KIF24: variants seen among roughly 807,000 people sequenced by gnomAD.
The protein encoded by KIF24 is kinesin-like protein KIF24.
A neutral mutation model predicts 118.9 loss-of-function variants in KIF24; 81 were observed. That is an observed-to-expected ratio of 0.68 (90% CI 0.57 to 0.82). KIF24 has a LOEUF of 0.82. Ranked by LOEUF, KIF24 falls within the 40% of genes least tolerant of loss-of-function variation. The pLI is 0.00. For missense variants in KIF24, 1,560 were observed against 1,661.6 expected, an observed-to-expected ratio of 0.94 and a Z score of 1.06; for synonymous variants, 599 against 610.0, an observed-to-expected ratio of 0.98 and a Z score of 0.27.
In KIF24 at chr9:34,311,297, T is replaced by C. The variant is rs1232763236; in HGVS notation, c.50A>G (p.Tyr17Cys). The C allele has an allele frequency of 1.2e-6, 2 of 1,605,318 alleles. No individual in the cohort carries two copies. Among genetic ancestry groups the C allele is most frequent in the Admixed American group, 1.7e-5 (1 of 58,756 alleles). ...GCCAAGGGCAGTGAAATGAGAATAA[T>C]ACTGTGCAAGTTCAGCTTCACAAAG... is the stretch of plus-strand genomic sequence containing the variant. ...ECLCEAELAQYYSHFTALGLQ... is the reference protein window; with the variant it reads ...ECLCEAELAQCYSHFTALGLQ... Residue 17 changes from tyrosine (Y) to cysteine (C), a missense_variant, in exon 2 of 13, where the codon TAT (tyrosine) becomes TGT (cysteine). Around this residue, in one of 3 missense-constraint regions of KIF24, gnomAD observed 964 missense variants for 988.0 expected, o/e 0.98. Transcript: ENST00000402558.
chr9:34,259,596 C>T lies in KIF24; in HGVS notation c.1625G>A (p.Arg542Gln), dbSNP rs146808161. 9.3e-6 allele frequency: 15 copies of T among 1,611,054 alleles called. No individual in the cohort carries two copies. In the African/African-American group the frequency reaches 1.7e-4, roughly 19 times the overall value. The stretch of plus-strand genomic sequence containing the variant: ...ACCTGCCATCTGGGAGCTGACTTAC[C>T]GGTCAGCATAGCGCAAGGTGTTGAG... Reference protein sequence around the residue: ...HTLNTLRYADRVKELKKGIKC... With the variant: ...HTLNTLRYADQVKELKKGIKC... Residue 542 changes from arginine to glutamine, a missense_variant and splice_region_variant, in exon 10 of 13, where the codon CGG (arginine) becomes CAG (glutamine). By Grantham distance (43) the Arg-to-Gln change is conservative (BLOSUM62 1). This residue lies in a region of KIF24 where 964 missense variants were observed against 988.0 expected (regional missense o/e 0.98). Transcript: ENST00000402558.
chr9:34,311,767 CATAT>C (rs950137028), intron 1 of KIF24, among the ~76,000 whole-genome samples: 1 of 145,482 alleles, frequency 6.9e-6, no homozygotes, highest in African/African-American at 2.5e-5. Flanking sequence ...TGTATATATA[CATAT>C]ATATACACAT....
chr9:34,301,288 C>T (rs188062978), intron 3 of KIF24, among the ~76,000 whole-genome samples: 51 of 152,250 alleles, frequency 3.3e-4, no homozygotes, highest in Non-Finnish European at 7.4e-5. Context: ...CCCTTTGTCA[C>T]CCAGGCTGGA....
At position 34,318,057 on chromosome 9, in the gene KIF24, G is replaced by A. The variant is rs1837384023; in HGVS notation, c.-25-6686C>T. ...TAGGGGAGCATGGGAGCAAAGGATT[G>A]CTTTAAGAATCCTTTCCTCAACATG... On this transcript the variant is annotated intron_variant, in intron 1 of 12. Transcript: ENST00000402558. This position sits in a 1 kb window ranked among gnomAD's most constrained non-coding sequence, Gnocchi z 4.9. 6.6e-6 allele frequency among the ~76,000 whole-genome samples: 1 copy of A among 152,032 alleles called. No individual in the cohort carries two copies. Among genetic ancestry groups the A allele is most frequent in the South Asian group, 2.1e-4 (1 of 4,814 alleles).
In KIF24 at chr9:34,327,838, T is replaced by A. The variant is rs200669308; in HGVS notation, c.-26+1268A>T. 1.1e-4 allele frequency among the ~76,000 whole-genome samples: 14 copies of A among 123,026 alleles called. No homozygotes were observed. The East Asian group carries it at 1.4e-3, about 12-fold the overall frequency. The allele number at this position is 123,026 out of a possible 152,430, so 80.7% of individuals were successfully genotyped here. On this transcript the variant is annotated intron_variant, in intron 1 of 12. Transcript: ENST00000402558. ...TGACAGAGCAAGACATTTTCTCTAATAAAAAAAAAATAATAATAATAATAA... is the reference window on the plus strand; with the variant it reads ...TGACAGAGCAAGACATTTTCTCTAAAAAAAAAAAAATAATAATAATAATAA...
chr9:34,329,352 T>G (rs189319458), upstream of KIF24, among the ~76,000 whole-genome samples: 645 of 152,350 alleles, frequency 4.2e-3, 2 homozygotes, highest in Non-Finnish European at 6.6e-3. Context: ...CGTTGACTTC[T>G]CCTCTGGAAG....
chr9:34,286,868 G>A (rs1027387623), intron 5 of KIF24, among the ~76,000 whole-genome samples, 164 bp from the exon 6 acceptor site: 1 of 152,172 alleles, frequency 6.6e-6, no homozygotes, highest in Non-Finnish European at 1.5e-5. Flanking sequence ...ACCTCAGCCC[G>A]ATTCAGGGGT....
chr9:34,284,167 CT>C (rs1456545101), intron 6 of KIF24, among the ~76,000 whole-genome samples: 3 of 152,018 alleles, frequency 2.0e-5, no homozygotes, highest in Non-Finnish European at 4.4e-5. Flanking sequence ...ACTTGGGAAG[CT>C]GAGGTAGGAG....
intron 1 of KIF24, among the ~76,000 whole-genome samples, chr9:34,314,410 C>T (rs1837272668): frequency 6.6e-6 from 1 of 152,160 alleles, no homozygotes; most frequent in Non-Finnish European, 1.5e-5. Flanking sequence ...GAGTGATCCA[C>T]CCACCTCAGA....
In KIF24 at chr9:34,311,018, T is replaced by C; in HGVS notation, c.329A>G (p.Asn110Ser). 6.2e-7 allele frequency: 1 copy of C among 1,613,914 alleles called. No individual in the cohort carries two copies. The highest frequency in any genetic ancestry group is 1.7e-5 in the Admixed American group (1 of 60,010). Reference sequence around the variant, plus strand: ...CATTTCAAACCCATCATTGCTGGCATTTCTGTCTTTATTGTCAGCAGGAGA... The same window carrying C: ...CATTTCAAACCCATCATTGCTGGCACTTCTGTCTTTATTGTCAGCAGGAGA... ...FDSPADNKDR[N>S]ASNDGFEMCS... The change falls in exon 2 of 13, where the codon AAT (asparagine) becomes AGT (serine). Residue 110 changes from asparagine to serine, a missense_variant. Transcript: ENST00000402558.
At chr9:34,327,952 A>G (rs1273556681) in intron 1 of KIF24, among the ~76,000 whole-genome samples, 1 of 152,054 alleles carries the variant, frequency 6.6e-6, no homozygotes, top group Non-Finnish European at 1.5e-5. Context: ...GGTTTCCACT[A>G]CATGTCACAG....
At chr9:34,326,099 G>C (rs895721953) in intron 1 of KIF24, among the ~76,000 whole-genome samples, 1 of 152,228 alleles carries the variant, frequency 6.6e-6, no homozygotes, top group Non-Finnish European at 1.5e-5. Flanking sequence ...GCTCATGCCT[G>C]TTATCCCAAC....
rs1157423339 is a variant in KIF24, at chr9:34,256,015, C to A, written c.3592G>T (p.Gly1198Trp). The A allele has an allele frequency of 6.2e-7, 1 of 1,613,862 alleles. No homozygotes were observed. The highest frequency in any genetic ancestry group is 1.3e-5 in the African/African-American group (1 of 74,988). ...PGKPFTTIHM[G>W]VPHSGPTLTP... ...AGTGTAGGTCCAGAATGGGGTACCC[C>A]CATATGTATGGTGGTGAAGGGCTTT... Residue 1198 changes from glycine (G) to tryptophan (W), a missense_variant, in exon 11 of 13, where the codon GGG (glycine) becomes TGG (tryptophan). Around this residue, in one of 3 missense-constraint regions of KIF24, gnomAD observed 591 missense variants for 655.6 expected, o/e 0.90. Coordinates refer to ENST00000402558, the MANE Select transcript of KIF24 (RefSeq NM_194313.4).
chr9:34,290,244 G>C lies in KIF24; in HGVS notation c.1057C>G (p.Leu353Val). The C allele has an allele frequency of 1.2e-6, 2 of 1,613,916 alleles. No homozygotes were observed. The highest frequency in any genetic ancestry group is 1.7e-6 in the Non-Finnish European group (2 of 1,179,842). Residue 353 changes from leucine (L) to valine (V), a missense_variant, in exon 5 of 13, where the codon CTC (leucine) becomes GTC (valine). Around this residue, in one of 3 missense-constraint regions of KIF24, gnomAD observed 964 missense variants for 988.0 expected, o/e 0.98. Coordinates refer to ENST00000402558, the MANE Select transcript of KIF24 (RefSeq NM_194313.4). Reference sequence around the variant, plus strand: ...TCATAGAAGCTGATCCACACAAAGAGGTGCTTTCTTGGCTGGGACACTTCT... The same window carrying C: ...TCATAGAAGCTGATCCACACAAAGACGTGCTTTCTTGGCTGGGACACTTCT... ...QLEVSQPRKHLFVWISFYEIY... is the reference protein window; with the variant it reads ...QLEVSQPRKHVFVWISFYEIY...
chr9:34,308,808 A>G (rs1837029061), intron 2 of KIF24, among the ~76,000 whole-genome samples: 1 of 152,110 alleles, frequency 6.6e-6, no homozygotes, highest in African/African-American at 2.4e-5. Context: ...GGCAGGGCAG[A>G]GTGGCTCTCA....
intron 6 of KIF24, among the ~76,000 whole-genome samples, chr9:34,281,650 T>C (rs1025227858): frequency 1.3e-5 from 2 of 152,086 alleles, no homozygotes; most frequent in African/African-American, 4.8e-5. Context: ...AGATCAAGAG[T>C]AGAATCAGCT....
rs553985576 is a variant in KIF24, at chr9:34,290,692, C to T, written c.912-303G>A. Among the ~76,000 whole-genome samples the T allele has an allele frequency of 1.9e-4, 29 of 151,822 alleles. No individual in the cohort carries two copies. In the South Asian group the frequency reaches 5.0e-3, roughly 26 times the overall value. ...TCCACTCACTGCAACCTCTGTCTCC[C>T]GGGTTCAAGTGATTCTCCTGCCTCA... is the stretch of plus-strand genomic sequence containing the variant. On this transcript the variant is annotated intron_variant, in intron 4 of 12. Transcript: ENST00000402558.
At chr9:34,309,698 C>A (rs1265563651) in intron 2 of KIF24, among the ~76,000 whole-genome samples, 2 of 152,004 alleles carry the variant, frequency 1.3e-5, no homozygotes, top group Non-Finnish European at 2.9e-5. Context: ...CTAGACCAAA[C>A]AAAATGTTTT....
intron 4 of KIF24, among the ~76,000 whole-genome samples, chr9:34,295,884 T>C (rs1836450208): frequency 6.6e-6 from 1 of 151,658 alleles, no homozygotes; most frequent in Non-Finnish European, 1.5e-5. Context: ...CTTACTATCA[T>C]TCCTGTCCCA....
Sources: allele counts gnomAD v4.1 joint callset (sites outside exome capture counted in the v4.1 genomes callset), GRCh38; gene constraint gnomAD v4.1.1; regional missense constraint gnomAD v4.1.1; non-coding constraint Gnocchi (gnomAD v3.1); transcripts MANE v1.5; gene names NCBI Gene and HGNC (gene_info 2026-07-23, HGNC 2026-07-21).